GATA6: variants seen among roughly 807,000 people sequenced by gnomAD.
The protein encoded by GATA6 is transcription factor GATA-6.
In GATA6, 11 loss-of-function variants were observed where a neutral mutation model predicts 48.1. The ratio of observed to expected loss-of-function variants is 0.23; its 90% CI spans 0.14 to 0.38. GATA6 has a LOEUF of 0.38. Ranked by LOEUF, GATA6 falls within the 10% of genes least tolerant of loss-of-function variation. GATA6 has a pLI of 1.00. For missense variants in GATA6, 795 were observed against 850.3 expected, an observed-to-expected ratio of 0.93 and a Z score of 0.81; for synonymous variants, 419 against 396.1, an observed-to-expected ratio of 1.06 and a Z score of -0.69.
Position 22,171,742 on chromosome 18 carries a change from G to A in GATA6, c.598G>A (p.Gly200Ser), listed in dbSNP as rs1270775166. The change falls in exon 2 of 7, where the codon GGC (glycine) becomes AGC (serine). Residue 200 changes from glycine (G) to serine (S), a missense_variant. Gly to Ser is a moderately conservative substitution (Grantham distance 56). Transcript: ENST00000269216. The surrounding 1 kb of genome is among the most constrained non-coding windows in gnomAD (Gnocchi z 7.1). Reference sequence around the variant, plus strand: ...CACCCGCGTGGGTTCCATGCTGCCCGGCCTACCGTACCACCTGCAGGGGTC... The same window carrying A: ...CACCCGCGTGGGTTCCATGCTGCCCAGCCTACCGTACCACCTGCAGGGGTC... ...PTTRVGSMLP[G>S]LPYHLQGSGS... 8.2e-6 allele frequency: 12 copies of A among 1,464,036 alleles called. No individual in the cohort carries two copies. Among genetic ancestry groups the A allele is most frequent in the Non-Finnish European group, 8.0e-6 (9 of 1,118,110 alleles). The allele number at this position is 1,464,036 out of a possible 1,614,324, so 90.7% of individuals were successfully genotyped here.
chr18:22,200,932 T>A lies in GATA6; in HGVS notation c.*109T>A. ...GGCGACTGCGCTGACAGAACGTGAT[T>A]CTCGTGCCTTTATTTTGAAAGAGAT... is the stretch of plus-strand genomic sequence containing the variant. On this transcript the variant is annotated 3_prime_UTR_variant, in exon 7 of 7. Transcript: ENST00000269216. The A allele has an allele frequency of 8.7e-7, 1 of 1,149,430 alleles. No homozygotes were observed. Among genetic ancestry groups the A allele is most frequent in the Non-Finnish European group, 1.2e-6 (1 of 815,940 alleles). 71.2% of individuals were successfully genotyped at this position (1,149,430 alleles called of 1,614,324 possible). A position where few individuals can be genotyped will look rare whatever the true frequency, so the allele number is the denominator to read the frequency against.
At chr18:22,194,934 G>A (rs12954723) in intron 6 of GATA6, among the ~76,000 whole-genome samples, 1 of 152,146 alleles carries the variant, frequency 6.6e-6, no homozygotes, top group Non-Finnish European at 1.5e-5. Context: ...GGGAGGTCGA[G>A]GCAGGCGGAT....
intron 6 of GATA6, among the ~76,000 whole-genome samples, chr18:22,191,032 CGTGTGTGTGTGT>C (rs57925913): frequency 0.07 from 8,509 of 121,156 alleles, 737 homozygotes; most frequent in African/African-American, 0.2. Context: ...TTTTAAATCT[CGTGTGTGTGTGT>C]GTGTGTGTGT....
At chr18:22,189,654 A>T (rs2033304377) in intron 6 of GATA6, among the ~76,000 whole-genome samples, 1 of 152,160 alleles carries the variant, frequency 6.6e-6, no homozygotes, top group Non-Finnish European at 1.5e-5. Context: ...TGGAGCAGAA[A>T]ATTAGTGCTT....
At chr18:22,193,132 G>A (rs1483473730) in intron 6 of GATA6, among the ~76,000 whole-genome samples, 1 of 152,170 alleles carries the variant, frequency 6.6e-6, no homozygotes, top group Admixed American at 6.5e-5. Flanking sequence ...AAACTATTCT[G>A]CTGAATAGTT....
In GATA6 at chr18:22,172,285, G is replaced by T; in HGVS notation, c.1135+6G>T. The T allele has an allele frequency of 6.5e-7, 1 of 1,531,558 alleles. No homozygotes were observed. Among genetic ancestry groups the T allele is most frequent in the Non-Finnish European group, 8.7e-7 (1 of 1,145,152 alleles). 94.9% of individuals were successfully genotyped at this position (1,531,558 alleles called of 1,614,324 possible). ...GCCCCGGGGTCCCAGTGCAGGTAAGGGTCGCGCCTCAGGTTCGGGGTGCGG... is the reference window on the plus strand; with the variant it reads ...GCCCCGGGGTCCCAGTGCAGGTAAGTGTCGCGCCTCAGGTTCGGGGTGCGG... On this transcript the variant is annotated splice_donor_region_variant and intron_variant, in intron 2 of 6. Transcript: ENST00000269216. This position sits in a 1 kb window ranked among gnomAD's most constrained non-coding sequence, Gnocchi z 5.2.
At chr18:22,177,944 GTTTTTTTGTTTTTTTTTT>G (rs1318140117) in intron 3 of GATA6, among the ~76,000 whole-genome samples, 1 of 77,886 alleles carries the variant, frequency 1.3e-5, no homozygotes, top group African/African-American at 6.3e-5. Flanking sequence ...ACGTTTTACT[GTTTTTTTGTTTTTTTTTT>G]TTTTTTTTTT....
chr18:22,183,160 T>G, intron 6 of GATA6, 117 bp downstream of exon 6: 1 of 808,312 alleles, frequency 1.2e-6, no homozygotes, highest in Non-Finnish European at 2.1e-6. Flanking sequence ...GTTTAGTTAG[T>G]TGATACCTAA....
intron 6 of GATA6, among the ~76,000 whole-genome samples, chr18:22,190,894 T>G (rs1598740570): frequency 6.6e-6 from 1 of 152,340 alleles, no homozygotes; most frequent in South Asian, 2.1e-4. Context: ...ATAACTCACG[T>G]TCTTGTCTGA....
intron 6 of GATA6, among the ~76,000 whole-genome samples, chr18:22,188,810 C>T (rs555687960): frequency 6.6e-6 from 1 of 152,186 alleles, no homozygotes; most frequent in East Asian, 1.9e-4. Context: ...TATGCGCTGA[C>T]CTTCTTTAGG....
intron 2 of GATA6, among the ~76,000 whole-genome samples, chr18:22,174,129 T>C (rs147925772): frequency 6.6e-6 from 1 of 152,298 alleles, no homozygotes; most frequent in Non-Finnish European, 1.5e-5. Flanking sequence ...AGGCTGGGAA[T>C]CTCTAAGGAG....
Position 22,170,454 on chromosome 18 carries a change from C to T in GATA6, c.-37-654C>T, listed in dbSNP as rs1395462094. Among the ~76,000 whole-genome samples the T allele has an allele frequency of 2.0e-5, 3 of 152,246 alleles. No individual in the cohort carries two copies. The highest frequency in any genetic ancestry group is 2.9e-5 in the Non-Finnish European group (2 of 68,038). The stretch of plus-strand genomic sequence containing the variant: ...TGGGAAGGACCCAGACTGCTGCCCC[C>T]GCCCTGGCGTCCCACTTTCCCTGGG... On this transcript the variant is annotated intron_variant, in intron 1 of 6. Transcript: ENST00000269216. This position sits in a 1 kb window ranked among gnomAD's most constrained non-coding sequence, Gnocchi z 6.7.
Position 22,171,963 on chromosome 18 carries a change from C to T in GATA6, c.819C>T (p.Asn273=), listed in dbSNP as rs943267073. ...FPYSPSPPMA[N]GAAREPGGYA... is the part of the protein sequence containing the mutation. ...ACTCTCCCAGCCCGCCCATGGCCAA[C>T]GGCGCCGCGCGGGAGCCGGGAGGCT... is the stretch of plus-strand genomic sequence containing the variant. Residue 273 remains asparagine, a synonymous_variant, in exon 2 of 7, where the codon AAC becomes AAT. Transcript: ENST00000269216. This position sits in a 1 kb window ranked among gnomAD's most constrained non-coding sequence, Gnocchi z 7.1. The T allele has an allele frequency of 5.0e-6, 6 of 1,204,970 alleles. No homozygotes were observed. Among genetic ancestry groups the T allele is most frequent in the Non-Finnish European group, 6.2e-6 (6 of 971,298 alleles). 74.6% of individuals were successfully genotyped at this position (1,204,970 alleles called of 1,614,324 possible).
chr18:22,176,780 A>C, intron 2 of GATA6, 175 bp from the exon 3 acceptor site: 1 of 682,830 alleles, frequency 1.5e-6, no homozygotes, highest in Non-Finnish European at 2.4e-6. Flanking sequence ...CAGTGGAGCA[A>C]TAGTGACGAA....
At chr18:22,179,654 A>T (rs1330964608) in intron 3 of GATA6, among the ~76,000 whole-genome samples, 1 of 151,876 alleles carries the variant, frequency 6.6e-6, no homozygotes, top group Non-Finnish European at 1.5e-5. Flanking sequence ...ATCCTTTCCT[A>T]AAAAATTATT....
At chr18:22,199,177 C>G (rs182453841) in intron 6 of GATA6, among the ~76,000 whole-genome samples, 1 of 152,206 alleles carries the variant, frequency 6.6e-6, no homozygotes, top group East Asian at 1.9e-4. Flanking sequence ...TAGAGTTGGA[C>G]CTCATTCACT....
In GATA6 at chr18:22,170,313, C is replaced by T. The variant is rs574256152; in HGVS notation, c.-38+631C>T. Among the ~76,000 whole-genome samples, 1 of 152,194 alleles carries T rather than the reference C, an allele frequency of 6.6e-6. No individual in the cohort carries two copies. Among genetic ancestry groups the T allele is most frequent in the Non-Finnish European group, 1.5e-5 (1 of 68,036 alleles). On this transcript the variant is annotated intron_variant, in intron 1 of 6. Transcript: ENST00000269216. This position sits in a 1 kb window ranked among gnomAD's most constrained non-coding sequence, Gnocchi z 6.7. ...GGGGTGGGCCGGGTGGCCCGGCCGG[C>T]GTGAGCGCGCACGCTGGTGGCTGCA...
chr18:22,186,375 G>A (rs760068436), intron 6 of GATA6, among the ~76,000 whole-genome samples: 15 of 152,130 alleles, frequency 9.9e-5, no homozygotes, highest in Non-Finnish European at 1.5e-4. Flanking sequence ...TTATAGCAAG[G>A]AAGTAAAAAA....
chr18:22,176,543 G>A (rs2143288567), intron 2 of GATA6: 1 of 159,678 alleles, frequency 6.3e-6, no homozygotes, highest in Non-Finnish European at 1.4e-5. Context: ...GGGCTCAGTG[G>A]TCAGTATTTC....
Sources: gnomAD v4.1 joint callset for allele counts (sites outside exome capture counted in the v4.1 genomes callset) on GRCh38, gnomAD v4.1.1 for gene constraint, Gnocchi (gnomAD v3.1) non-coding constraint, MANE v1.5 for transcripts, NCBI Gene and HGNC (gene_info 2026-07-23, HGNC 2026-07-21) for gene names.